The following DNAH12 variants were observed in gnomAD, a reference collection of about 807,000 sequenced individuals.
DNAH12 encodes the protein axonemal beta dynein heavy chain 12.
Under a neutral mutation model 371.5 loss-of-function variants are expected in DNAH12, and 285 were observed. The ratio of observed to expected loss-of-function variants is 0.77; its 90% CI spans 0.70 to 0.85. The LOEUF (loss-of-function observed/expected upper bound fraction) is 0.85, where lower values mean the gene tolerates loss of function less well. Ranked by LOEUF, DNAH12 falls within the 40% of genes least tolerant of loss-of-function variation. The probability of loss-of-function intolerance (pLI) is 0.00; values close to 1 mark genes in which losing one functional copy is unlikely to be tolerated. For missense variants in DNAH12, 3,611 were observed against 3,689.4 expected (o/e 0.98, Z 0.55); for synonymous variants, 1,200 against 1,213.0 (o/e 0.99, Z 0.22).
At chr3:57,383,667 G>T in intron 49 of DNAH12, among the ~76,000 whole-genome samples, 1 of 99,596 alleles carries the variant, frequency 1.0e-5, no homozygotes, top group African/African-American at 3.9e-5. Flanking sequence ...TGGGGGGCGG[G>T]GGGGATTACT....
At chr3:57,346,540 C>T (rs930934158) in intron 60 of DNAH12, among the ~76,000 whole-genome samples, 3 of 150,966 alleles carry the variant, frequency 2.0e-5, no homozygotes, top group Admixed American at 1.3e-4. Flanking sequence ...AAAACAGTAA[C>T]AACAACAACA....
Position 57,444,714 on chromosome 3 carries a change from G to C in DNAH12, c.4528C>G (p.Pro1510Ala). The change falls in exon 29 of 74, where the codon CCT (proline) becomes GCT (alanine). Residue 1510 changes from proline to alanine, a missense_variant. Pro to Ala is a conservative substitution (Grantham distance 27, BLOSUM62 -1). Around this residue, in one of 3 missense-constraint regions of DNAH12, gnomAD observed 2,266 missense variants for 2,236.9 expected, o/e 1.01. Coordinates refer to ENST00000495027, the MANE Select transcript of DNAH12 (RefSeq NM_001366028.2). ...TTACTTACGTGATAGTCAGCTTCAG[G>C]AAGTTTAATACCAGGAAATAAGTCA... Reference protein sequence around the residue: ...TSDLFPGIKLPEADYHEFLEC... With the variant: ...TSDLFPGIKLAEADYHEFLEC... 6.5e-7 allele frequency: 1 copy of C among 1,549,942 alleles called. No homozygotes were observed. Among genetic ancestry groups the C allele is most frequent in the Non-Finnish European group, 8.7e-7 (1 of 1,146,296 alleles).
intron 12 of DNAH12, 69 bp downstream of exon 12, chr3:57,489,440 C>T (rs1028936031): frequency 5.0e-6 from 7 of 1,388,568 alleles, no homozygotes; most frequent in Non-Finnish European, 6.6e-6. Flanking sequence ...TGTTTTTAAA[C>T]AAGAGTTACT....
At chr3:57,319,459 G>A (rs2061757185) in intron 65 of DNAH12, among the ~76,000 whole-genome samples, 1 of 152,150 alleles carries the variant, frequency 6.6e-6, no homozygotes, top group Non-Finnish European at 1.5e-5. Flanking sequence ...TGATCTTACA[G>A]GAAAAATTTT....
At chr3:57,485,742 A>T (rs1446356444) in intron 12 of DNAH12, among the ~76,000 whole-genome samples, 2 of 152,190 alleles carry the variant, frequency 1.3e-5, no homozygotes, top group African/African-American at 4.8e-5. Context: ...ATGGAAAACC[A>T]AATATCGTAT....
intron 5 of DNAH12, 73 bp from the exon 6 acceptor site, chr3:57,509,285 T>C (rs2153393532): frequency 7.0e-7 from 1 of 1,428,722 alleles, no homozygotes; most frequent in East Asian, 2.3e-5. Context: ...TTTCTAACTT[T>C]TGATTTTGGA....
At chr3:57,348,398 C>T (rs1553658905) in intron 60 of DNAH12, among the ~76,000 whole-genome samples, 3 of 152,078 alleles carry the variant, frequency 2.0e-5, no homozygotes, top group African/African-American at 7.2e-5. Context: ...ATTTTTAGAG[C>T]AGTGAAACTA....
At chr3:57,354,393 A>G (rs2062749181) in intron 59 of DNAH12, among the ~76,000 whole-genome samples, 1 of 152,114 alleles carries the variant, frequency 6.6e-6, no homozygotes, top group African/African-American at 2.4e-5. Context: ...CCTATTGGGT[A>G]CCATGCTTAT....
intron 45 of DNAH12, among the ~76,000 whole-genome samples, chr3:57,387,892 T>C (rs1295240640): frequency 6.6e-6 from 1 of 152,108 alleles, no homozygotes; most frequent in Admixed American, 6.6e-5. Flanking sequence ...CTTGGGATCC[T>C]CATGACTTTG....
At chr3:57,324,917 T>A (rs906059531) in intron 62 of DNAH12, among the ~76,000 whole-genome samples, 12 of 152,212 alleles carry the variant, frequency 7.9e-5, no homozygotes, top group Non-Finnish European at 1.5e-4. Flanking sequence ...CAGGAGATTA[T>A]ATCCCCCACA....
chr3:57,415,466 T>C lies in DNAH12; in HGVS notation c.5813A>G (p.Tyr1938Cys), dbSNP rs1172202881. Residue 1938 changes from tyrosine (Y) to cysteine (C), a missense_variant, in exon 38 of 74, where the codon TAT (tyrosine) becomes TGT (cysteine). Physicochemically the swap from Tyr to Cys is radical, Grantham distance 194 (BLOSUM62 -2). Coordinates refer to ENST00000495027, the MANE Select transcript of DNAH12 (RefSeq NM_001366028.2). ...HLEKDQYFPF[Y>C]INLSARTSAN... ...GCTGGTCCGTGCAGATAAGTTAATATAAAAAGGAAAGTACTGGTCCTTTTC... is the reference window on the plus strand; with the variant it reads ...GCTGGTCCGTGCAGATAAGTTAATACAAAAAGGAAAGTACTGGTCCTTTTC... 1.3e-6 allele frequency: 2 copies of C among 1,550,790 alleles called. No individual in the cohort carries two copies. The highest frequency in any genetic ancestry group is 2.4e-5 in the East Asian group (1 of 40,922).
chr3:57,299,356 CAG>C (rs1211841555), intron 70 of DNAH12, among the ~76,000 whole-genome samples: 1 of 152,092 alleles, frequency 6.6e-6, no homozygotes, highest in African/African-American at 2.4e-5. Context: ...TATAAAATAA[CAG>C]TGAGTTGAAT....
At chr3:57,424,621 C>A (rs923883872) in intron 35 of DNAH12, among the ~76,000 whole-genome samples, 1 of 150,186 alleles carries the variant, frequency 6.7e-6, no homozygotes, top group African/African-American at 2.5e-5. Context: ...ACTAAAAATA[C>A]AAAAATTAGC....
At chr3:57,458,683 A>G (rs562331110) in intron 20 of DNAH12, among the ~76,000 whole-genome samples, 1 of 152,338 alleles carries the variant, frequency 6.6e-6, no homozygotes, top group South Asian at 2.1e-4. Flanking sequence ...AAATCAAAAG[A>G]AGAATATTTT....
intron 32 of DNAH12, among the ~76,000 whole-genome samples, chr3:57,431,999 A>C (rs2064969277): frequency 6.6e-6 from 1 of 152,150 alleles, no homozygotes; most frequent in African/African-American, 2.4e-5. Context: ...ATGCAGTAAG[A>C]GACAATCCAT....
chr3:57,373,364 G>A (rs973798629), intron 55 of DNAH12, among the ~76,000 whole-genome samples: 27 of 149,898 alleles, frequency 1.8e-4, no homozygotes, highest in Admixed American at 1.2e-3. Flanking sequence ...CACCCCAGCT[G>A]GAGTGCAGTG....
intron 69 of DNAH12, among the ~76,000 whole-genome samples, chr3:57,308,032 A>T (rs1330975210): frequency 1.3e-5 from 2 of 152,150 alleles, no homozygotes; most frequent in African/African-American, 4.8e-5. Context: ...CTCTTCAGGG[A>T]TTATTCAGGC....
intron 19 of DNAH12, among the ~76,000 whole-genome samples, chr3:57,460,360 A>G (rs1371937278): frequency 1.3e-5 from 2 of 152,202 alleles, no homozygotes; most frequent in Non-Finnish European, 2.9e-5. Flanking sequence ...ATGAAAAATA[A>G]AATGAAATAA....
Position 57,468,810 on chromosome 3 carries a change from T to G in DNAH12, c.2275A>C (p.Ile759Leu). 6.5e-7 allele frequency: 1 copy of G among 1,535,914 alleles called. No individual in the cohort carries two copies. ...GCATTGTCTTTTGGTTCTTCTTCAA[T>G]TTTCTCTTCTTCCAAAGACCGTTTT... The part of the protein sequence containing the change: ...ARKRSLEEEK[I>L]EEEPKDNATI... Residue 759 changes from isoleucine (I) to leucine (L), a missense_variant, in exon 17 of 74, where the codon ATT becomes CTT. By Grantham distance (5) the Ile-to-Leu change is conservative. Coordinates refer to ENST00000495027, the MANE Select transcript of DNAH12 (RefSeq NM_001366028.2).
Sources: gnomAD v4.1 joint callset for allele counts (sites outside exome capture counted in the v4.1 genomes callset) on GRCh38, gnomAD v4.1.1 for gene constraint, gnomAD v4.1.1 regional missense constraint, MANE v1.5 for transcripts, NCBI Gene and HGNC (gene_info 2026-07-23, HGNC 2026-07-21) for gene names.